The following MRTFB variants were observed in gnomAD, a reference collection of about 807,000 sequenced individuals.
The protein encoded by MRTFB is myocardin related transcription factor B.
A neutral mutation model predicts 104.2 loss-of-function variants in MRTFB; 29 were observed. That is an observed-to-expected ratio of 0.28 (90% CI 0.21 to 0.38). The LOEUF is 0.38. Among genes scored for constraint, MRTFB ranks in the 10% least tolerant of loss-of-function variants. The probability of loss-of-function intolerance (pLI) is 1.00; values close to 1 mark genes in which losing one functional copy is unlikely to be tolerated. For synonymous variants in MRTFB, 535 were observed against 519.5 expected, an observed-to-expected ratio of 1.03 and a Z score of -0.41; for missense variants, 1,270 against 1,341.6, an observed-to-expected ratio of 0.95 and a Z score of 0.83.
chr16:14,154,337 T>G (rs2038744009), intron 3 of MRTFB, among the ~76,000 whole-genome samples: 1 of 152,116 alleles, frequency 6.6e-6, no homozygotes, highest in African/African-American at 2.4e-5. Flanking sequence ...CATCTCCGTT[T>G]TTGAAAAATT....
chr16:14,183,397 A>G (rs773882791), intron 3 of MRTFB, among the ~76,000 whole-genome samples: 3 of 152,232 alleles, frequency 2.0e-5, no homozygotes, highest in Admixed American at 6.5e-5. Flanking sequence ...CAAGAACTCA[A>G]TGTCATATGT....
At chr16:14,135,998 C>T (rs867405693) in intron 2 of MRTFB, among the ~76,000 whole-genome samples, 25 of 152,144 alleles carry the variant, frequency 1.6e-4, no homozygotes, top group Admixed American at 9.2e-4. Context: ...AGGCCAGGCG[C>T]GGTGGCTCAT....
At chr16:14,134,909 C>A (rs956787357) in intron 2 of MRTFB, among the ~76,000 whole-genome samples, 8 of 152,126 alleles carry the variant, frequency 5.3e-5, no homozygotes, top group South Asian at 4.1e-4. Flanking sequence ...AATGTTGATA[C>A]CCAGAGAGGG....
chr16:14,013,812 C>T, the MRTFB span, among the ~76,000 whole-genome samples: 2 of 152,258 alleles, frequency 1.3e-5, no homozygotes, highest in Admixed American at 1.3e-4. Flanking sequence ...ACCACTTTCC[C>T]ACTGCTTAAG....
rs533306556 is a variant in MRTFB, at chr16:14,229,094, A to T, written c.694-5052A>T. On this transcript the variant is annotated intron_variant, in intron 8 of 16. Transcript: ENST00000571589. ...TATATACATTTTAGTATAATTTTTT[A>T]AATGCACTTTTAAAGCAGGGATACG... Among the ~76,000 whole-genome samples, 3 of 152,316 alleles carry T rather than the reference A, an allele frequency of 2.0e-5. No homozygotes were observed. The South Asian group carries it at 6.2e-4, about 32-fold the overall frequency.
rs2043844272 is a variant in MRTFB, at chr16:14,263,451, C to T, written c.*2007C>T. The T allele has an allele frequency of 6.6e-6, 1 of 152,206 alleles. No homozygotes were observed. The highest frequency in any genetic ancestry group is 2.1e-4 in the South Asian group (1 of 4,830). 9.4% of individuals were successfully genotyped at this position (152,206 alleles called of 1,614,324 possible). On this transcript the variant is annotated 3_prime_UTR_variant, in exon 17 of 17. Coordinates refer to ENST00000571589, the MANE Select transcript of MRTFB (RefSeq NM_001308142.2). ...TCTGTCTGGGCCTATCAGGTCCATA[C>T]TTAGACCCTGAGCATCTTCTTCATT...
intron 3 of MRTFB, among the ~76,000 whole-genome samples, chr16:14,188,691 T>C (rs1055346737): frequency 6.6e-6 from 1 of 152,202 alleles, no homozygotes; most frequent in Non-Finnish European, 1.5e-5. Flanking sequence ...TCTGTGATCC[T>C]GGACAAGCTT....
In MRTFB at chr16:14,260,921, C is replaced by A; in HGVS notation, c.2777C>A (p.Pro926His). 6.2e-7 allele frequency: 1 copy of A among 1,603,684 alleles called. No individual in the cohort carries two copies. Reference protein sequence around the residue: ...ILIKSGEISLPIKEEPSPISK... With the variant: ...ILIKSGEISLHIKEEPSPISK... ...TTATTTTACACAGAGATCTCCCTCC[C>A]CATAAAAGAAGAACCTTCTCCTATT... is the stretch of plus-strand genomic sequence containing the variant. Residue 926 changes from proline (P) to histidine (H), a missense_variant, in exon 17 of 17, where the codon CCC (proline) becomes CAC (histidine). This residue lies in a region of MRTFB where 1,144 missense variants were observed against 1,131.5 expected (regional missense o/e 1.01). Coordinates refer to ENST00000571589, the MANE Select transcript of MRTFB (RefSeq NM_001308142.2).
At chr16:14,257,631 A>C (rs1037879509) in intron 15 of MRTFB, among the ~76,000 whole-genome samples, 1 of 152,136 alleles carries the variant, frequency 6.6e-6, no homozygotes, top group African/African-American at 2.4e-5. Flanking sequence ...GGATATGTTC[A>C]TTATCTTGAT....
upstream of MRTFB, among the ~76,000 whole-genome samples, chr16:14,069,245 A>G (rs1420478556): frequency 2.0e-5 from 3 of 152,162 alleles, no homozygotes; most frequent in African/African-American, 7.2e-5. Context: ...TGCTGGGATT[A>G]CAGGCATGAG....
intron 2 of MRTFB, among the ~76,000 whole-genome samples, chr16:14,104,778 G>A (rs1487967622): frequency 4.6e-5 from 7 of 152,180 alleles, no homozygotes; most frequent in South Asian, 2.1e-4. Context: ...TGTAGGCACC[G>A]CAGTCCATTT....
At chr16:14,020,665 G>A in the MRTFB span, among the ~76,000 whole-genome samples, 1 of 152,194 alleles carries the variant, frequency 6.6e-6, no homozygotes. Context: ...TGTAAAGGCA[G>A]TAAGGCTCTT....
At chr16:14,195,638 C>G in intron 3 of MRTFB, 2 of 881,616 alleles carry the variant, frequency 2.3e-6, no homozygotes, top group Non-Finnish European at 2.7e-6. Context: ...GTTAATTGTT[C>G]TTTTATTCAG....
At chr16:13,995,719 A>G in the MRTFB span, among the ~76,000 whole-genome samples, 1 of 152,144 alleles carries the variant, frequency 6.6e-6, no homozygotes, top group Admixed American at 6.6e-5. Context: ...AAGGGGAAGC[A>G]GGCACATCAT....
intron 8 of MRTFB, among the ~76,000 whole-genome samples, chr16:14,219,393 A>G (rs1401731818): frequency 1.3e-5 from 2 of 152,232 alleles, no homozygotes; most frequent in African/African-American, 4.8e-5. Context: ...ATGGGTGTCC[A>G]TGTTTCCTTT....
chr16:14,161,928 T>C (rs931467243), intron 3 of MRTFB, among the ~76,000 whole-genome samples: 10 of 152,136 alleles, frequency 6.6e-5, no homozygotes, highest in African/African-American at 2.4e-4. Flanking sequence ...GGTATAACCA[T>C]TTGAGAAACA....
the MRTFB span, among the ~76,000 whole-genome samples, chr16:14,060,810 C>G: frequency 6.6e-6 from 1 of 152,048 alleles, no homozygotes; most frequent in East Asian, 1.9e-4. Flanking sequence ...GCGGGATAGG[C>G]TAGTGCATGC....
At chr16:14,201,013 C>G (rs2040676863) in intron 3 of MRTFB, 1 of 1,461,116 alleles carries the variant, frequency 6.8e-7, no homozygotes, top group African/African-American at 1.4e-5. Context: ...TGGGGAACAA[C>G]TGAAGAGATA....
In MRTFB at chr16:14,250,729, G is replaced by C. The variant is rs998734235; in HGVS notation, c.2404-1133G>C. 2.6e-5 allele frequency among the ~76,000 whole-genome samples: 4 copies of C among 152,286 alleles called. No individual in the cohort carries two copies. In the South Asian group the frequency reaches 8.3e-4, roughly 32 times the overall value. On this transcript the variant is annotated intron_variant, in intron 13 of 16. Coordinates refer to ENST00000571589, the MANE Select transcript of MRTFB (RefSeq NM_001308142.2). ...GCCTTGAGAACACGTTGTGGCAGGG[G>C]GTCTATGCCGCAAGGCTGCTGCAGA...
Sources: gnomAD v4.1 joint callset for allele counts (sites outside exome capture counted in the v4.1 genomes callset) on GRCh38, gnomAD v4.1.1 for gene constraint, gnomAD v4.1.1 regional missense constraint, MANE v1.5 for transcripts, NCBI Gene and HGNC (gene_info 2026-07-23, HGNC 2026-07-21) for gene names.